The following RAB43 variants were observed in gnomAD, a reference collection of about 807,000 sequenced individuals.
RAB43 encodes ras-related protein Rab-43.
RAB43 carries 6 observed loss-of-function variants against 18.8 expected under a neutral mutation model. The observed-to-expected ratio is 0.32, with a 90% CI of 0.17 to 0.63. The LOEUF (loss-of-function observed/expected upper bound fraction) is 0.63. Among genes scored for constraint, RAB43 ranks in the 30% least tolerant of loss-of-function variants. The probability of loss-of-function intolerance (pLI) is 0.79; values close to 1 mark genes in which losing one functional copy is unlikely to be tolerated. For synonymous variants in RAB43, 103 were observed against 124.1 expected, an observed-to-expected ratio of 0.83 and a Z score of 1.13; for missense variants, 195 against 289.1, an observed-to-expected ratio of 0.67 and a Z score of 2.36.
At chr3:129,097,557 A>G (rs1403761124) in intron 1 of RAB43, among the ~76,000 whole-genome samples, 1 of 152,214 alleles carries the variant, frequency 6.6e-6, no homozygotes, top group Non-Finnish European at 1.5e-5. Flanking sequence ...TAAAGAAATC[A>G]ACAAAAAATA....
At chr3:129,101,936 G>C (rs1934441682) in intron 1 of RAB43, among the ~76,000 whole-genome samples, 1 of 152,130 alleles carries the variant, frequency 6.6e-6, no homozygotes, top group Admixed American at 6.5e-5. Context: ...CACACACAAA[G>C]GCCTGCCCAC....
At chr3:129,092,967 A>C (rs1933778818) in intron 2 of RAB43, among the ~76,000 whole-genome samples, 1 of 152,154 alleles carries the variant, frequency 6.6e-6, no homozygotes, top group East Asian at 1.9e-4. Context: ...AAAAAAAAAA[A>C]AAGTTCTATA....
intron 1 of RAB43, among the ~76,000 whole-genome samples, chr3:129,113,001 G>A (rs1935265924): frequency 1.3e-5 from 2 of 151,810 alleles, no homozygotes; most frequent in African/African-American, 2.4e-5. Flanking sequence ...CCCACCCCTG[G>A]AATACCCACC....
At chr3:129,121,237 C>T in intron 1 of RAB43, 49 bp downstream of exon 1, 1 of 1,502,354 alleles carries the variant, frequency 6.7e-7, no homozygotes, top group South Asian at 1.2e-5. Flanking sequence ...GCTGCCCCCG[C>T]CCCACCCTCC....
At chr3:129,119,038 T>A (rs549643611) in intron 1 of RAB43, among the ~76,000 whole-genome samples, 1 of 152,242 alleles carries the variant, frequency 6.6e-6, no homozygotes, top group Non-Finnish European at 1.5e-5. Flanking sequence ...AAATTCTCCA[T>A]CTTGATAGTG....
intron 1 of RAB43, among the ~76,000 whole-genome samples, chr3:129,106,306 ACT>A (rs540581013): frequency 7.0e-4 from 106 of 152,268 alleles, no homozygotes; most frequent in African/African-American, 2.5e-3. Context: ...CTCAGGACAA[ACT>A]CTGAAAACTG....
chr3:129,118,367 C>T (rs1344074322), intron 1 of RAB43, among the ~76,000 whole-genome samples: 4 of 152,150 alleles, frequency 2.6e-5, no homozygotes, highest in South Asian at 2.1e-4. Flanking sequence ...TCAAATGTTT[C>T]GGTTTTTTTA....
intron 1 of RAB43, among the ~76,000 whole-genome samples, chr3:129,109,228 G>A (rs574389066): frequency 1.3e-5 from 2 of 152,166 alleles, no homozygotes; most frequent in South Asian, 4.2e-4. Context: ...GGCTAACATG[G>A]TGAAACCCCA....
rs1933940367 is a variant in RAB43, at chr3:129,094,971, G to T, written c.388+15C>A. ...GAGTGATGGGATTTGTGGTCCCGAG[G>T]AATCCCCAACTCACCGATCAGCAGC... On this transcript the variant is annotated intron_variant, in intron 2 of 2. Transcript: ENST00000315150. 4.4e-6 allele frequency: 7 copies of T among 1,607,206 alleles called. No individual in the cohort carries two copies. The highest frequency in any genetic ancestry group is 6.0e-6 in the Non-Finnish European group (7 of 1,175,704).
rs1053111860 is a variant in RAB43 at position 129,094,199 on chromosome 3, C to T, written c.388+787G>A. ...TGGAGGTTGAGGCCCTGCAGCTGCA[C>T]TTGAAGAAGACTTCTGTGGGATTCT... On this transcript the variant is annotated intron_variant, in intron 2 of 2. Coordinates refer to ENST00000315150, the MANE Select transcript of RAB43 (RefSeq NM_198490.3). Among the ~76,000 whole-genome samples the T allele has an allele frequency of 2.9e-4, 44 of 152,190 alleles. 1 individual carries two copies. Among genetic ancestry groups the T allele is most frequent in the Admixed American group, 6.5e-5 (1 of 15,280 alleles).
intron 1 of RAB43, among the ~76,000 whole-genome samples, chr3:129,110,343 C>T (rs1935076807): frequency 6.6e-6 from 1 of 152,152 alleles, no homozygotes. Context: ...TCCTTCTTGC[C>T]TGCCTTCATT....
Position 129,109,366 on chromosome 3 carries a change from C to T in RAB43, c.204+11920G>A, listed in dbSNP as rs56266503. 7.5e-3 allele frequency among the ~76,000 whole-genome samples: 1,110 copies of T among 148,972 alleles called. 6 individuals carry two copies. Among genetic ancestry groups the T allele is most frequent in the Middle Eastern group, 0.047 (13 of 278 alleles). ...CGGAGCTTGCAGTGAGCCGAGGTTG[C>T]GCCACTACACTCCAGCCTGGGCGAC... On this transcript the variant is annotated intron_variant, in intron 1 of 2. Transcript: ENST00000315150.
At chr3:129,091,629 C>A (rs1684962970) in intron 2 of RAB43, among the ~76,000 whole-genome samples, 2 of 151,678 alleles carry the variant, frequency 1.3e-5, no homozygotes, top group Non-Finnish European at 1.5e-5. Context: ...TCAATTTACC[C>A]AGATCCTCCT....
intron 1 of RAB43, among the ~76,000 whole-genome samples, chr3:129,112,356 A>G (rs1935229063): frequency 6.6e-6 from 1 of 152,162 alleles, no homozygotes; most frequent in African/African-American, 2.4e-5. Context: ...AAAAATATCC[A>G]ATTTTTATAC....
chr3:129,092,673 T>C (rs1249828599), intron 2 of RAB43: 7 of 488,290 alleles, frequency 1.4e-5, no homozygotes, highest in Non-Finnish European at 2.6e-5. Flanking sequence ...AAATGTTCTA[T>C]AGGCCGGGCG....
chr3:129,095,071 G>A lies in RAB43; in HGVS notation c.303C>T (p.Thr101=). ...GCACCGACAGGAAGGAGCTCCTCTT[G>A]GTGATGTCGTAGGCAAGGATGGCCC... is the stretch of plus-strand genomic sequence containing the variant. The part of the protein sequence containing the change: ...ANGAILAYDI[T]KRSSFLSVPH... The change falls in exon 2 of 3, where the codon ACC becomes ACT. Residue 101 remains threonine (T), a synonymous_variant. Transcript: ENST00000315150. This position sits in a 1 kb window ranked among gnomAD's most constrained non-coding sequence, Gnocchi z 4.2. The A allele has an allele frequency of 1.2e-6, 2 of 1,614,066 alleles. No homozygotes were observed. Among genetic ancestry groups the A allele is most frequent in the Non-Finnish European group, 1.7e-6 (2 of 1,179,946 alleles).
At chr3:129,113,825 G>A (rs1315021529) in intron 1 of RAB43, among the ~76,000 whole-genome samples, 11 of 151,984 alleles carry the variant, frequency 7.2e-5, no homozygotes, top group Admixed American at 6.5e-4. Context: ...TCAAGGGATC[G>A]AGACCATCCT....
chr3:129,121,474 G>T lies in RAB43; in HGVS notation c.16C>A (p.Pro6Thr). The T allele has an allele frequency of 6.2e-7, 1 of 1,611,512 alleles. No homozygotes were observed. The highest frequency in any genetic ancestry group is 2.2e-5 in the East Asian group (1 of 44,772). The part of the protein sequence containing the change: MAGPG[P>T]GPGDPDEQYD... Reference sequence around the variant, plus strand: ...TGCTCGTCCGGGTCCCCCGGGCCTGGGCCCGGCCCTGCCATGGCCTAGAAG... The same window carrying T: ...TGCTCGTCCGGGTCCCCCGGGCCTGTGCCCGGCCCTGCCATGGCCTAGAAG... Residue 6 changes from proline to threonine, a missense_variant, in exon 1 of 3, where the codon CCA (proline) becomes ACA (threonine). Transcript: ENST00000315150.
At chr3:129,110,665 C>T (rs1391511271) in intron 1 of RAB43, among the ~76,000 whole-genome samples, 1 of 152,030 alleles carries the variant, frequency 6.6e-6, no homozygotes, top group Non-Finnish European at 1.5e-5. Context: ...GGTGAAACCC[C>T]GTCTCTATTA....
Sources: allele counts gnomAD v4.1 joint callset (sites outside exome capture counted in the v4.1 genomes callset), GRCh38; gene constraint gnomAD v4.1.1; non-coding constraint Gnocchi (gnomAD v3.1); transcripts MANE v1.5; gene names NCBI Gene and HGNC (gene_info 2026-07-23, HGNC 2026-07-21).